Variants in RYR3 observed in about 807,000 individuals in gnomAD.
The protein encoded by RYR3 is ryanodine receptor 3, also known as brain ryanodine receptor-calcium release channel.
RYR3 carries 207 observed loss-of-function variants against 584.3 expected under a neutral mutation model. The observed-to-expected ratio is 0.35, with a 90% confidence interval of 0.32 to 0.40. The LOEUF is 0.40. RYR3 is among the 10% of genes least tolerant of loss of function. The probability of loss-of-function intolerance (pLI) is 1.00; values close to 1 mark genes in which losing one functional copy is unlikely to be tolerated. For missense variants in RYR3, 5,616 were observed against 6,089.2 expected (o/e 0.92, Z 2.59); for synonymous variants, 2,416 against 2,248.5 (o/e 1.07, Z -2.11).
intron 43 of RYR3, among the ~76,000 whole-genome samples, chr15:33,720,061 G>A (rs998956199): frequency 6.6e-6 from 1 of 152,150 alleles, no homozygotes; most frequent in Non-Finnish European, 1.5e-5. Flanking sequence ...ACTCTTGAAG[G>A]ATTGAGCTAT....
At chr15:33,822,272 G>C (rs185063986) in intron 80 of RYR3, among the ~76,000 whole-genome samples, 1 of 152,270 alleles carries the variant, frequency 6.6e-6, no homozygotes, top group Admixed American at 6.5e-5. Context: ...AGGCACTCCG[G>C]GTTCTGGTTA....
At chr15:33,533,807 T>G (rs980854470) in intron 5 of RYR3, among the ~76,000 whole-genome samples, 1 of 152,182 alleles carries the variant, frequency 6.6e-6, no homozygotes, top group South Asian at 2.1e-4. Flanking sequence ...AAGCTATGTC[T>G]AAAGTAGTGT....
chr15:33,752,677 C>G (rs749065895), intron 57 of RYR3, among the ~76,000 whole-genome samples: 6 of 152,172 alleles, frequency 3.9e-5, no homozygotes, highest in Admixed American at 2.0e-4. Flanking sequence ...CATCTGCAAA[C>G]AGAGACAATT....
At chr15:33,798,782 C>A (rs1461154000) in intron 67 of RYR3, among the ~76,000 whole-genome samples, 1 of 152,190 alleles carries the variant, frequency 6.6e-6, no homozygotes, top group African/African-American at 2.4e-5. Flanking sequence ...CTGCTTGAAT[C>A]TGAAAACGAG....
Position 33,810,646 on chromosome 15 carries a change from C to T in RYR3, c.10194C>T (p.Ser3398=). The change falls in exon 71 of 104, where the codon AGC becomes AGT. Residue 3398 remains serine, a synonymous_variant. Transcript: ENST00000634891. ...TCTCCCTCGCAAAATCGCGATACAG[C>T]CATGTAAGCTGCCCGTCTGCCTGGG... The part of the protein sequence containing the change: ...ELISLAKSRY[S]HRDTDEEVRE... 1 of 1,613,978 alleles carries T rather than the reference C, an allele frequency of 6.2e-7. No individual in the cohort carries two copies. Among genetic ancestry groups the T allele is most frequent in the Non-Finnish European group, 8.5e-7 (1 of 1,179,880 alleles).
intron 64 of RYR3, among the ~76,000 whole-genome samples, chr15:33,774,900 C>A (rs937916334): frequency 6.6e-6 from 1 of 151,994 alleles, no homozygotes; most frequent in Admixed American, 6.5e-5. Context: ...TTTATTTCTC[C>A]CACTGAGCAT....
intron 70 of RYR3, among the ~76,000 whole-genome samples, chr15:33,808,777 T>G (rs1400985601): frequency 6.6e-6 from 1 of 152,180 alleles, no homozygotes; most frequent in Non-Finnish European, 1.5e-5. Flanking sequence ...CCTGCTGTTT[T>G]CTGGAACACC....
intron 16 of RYR3, among the ~76,000 whole-genome samples, chr15:33,598,723 C>G (rs1447527994): frequency 6.7e-6 from 1 of 150,210 alleles, no homozygotes; most frequent in Non-Finnish European, 1.5e-5. Context: ...AGCAGGAAAA[C>G]TTGCCTTCCT....
chr15:33,842,185 A>G (rs2278312), intron 91 of RYR3, 150 bp downstream of exon 91: 810,066 of 831,950 alleles, frequency 0.97, 395,667 homozygotes, highest in Non-Finnish European at 0.99. Flanking sequence ...GTGTCTACCT[A>G]TTCCTTTTCT....
intron 1 of RYR3, among the ~76,000 whole-genome samples, chr15:33,463,836 T>C (rs914125815): frequency 7.2e-5 from 11 of 152,192 alleles, no homozygotes; most frequent in African/African-American, 2.2e-4. Context: ...GTCCTCCCTG[T>C]TGCTGGAGCC....
chr15:33,581,466 T>C (rs372695348), intron 13 of RYR3, 42 bp from the exon 14 acceptor site: 197 of 1,603,948 alleles, frequency 1.2e-4, no homozygotes, highest in South Asian at 2.5e-4. Flanking sequence ...CTGTGCTTTC[T>C]TAATCAGCAA....
At chr15:33,386,389 C>T (rs187728166) in intron 1 of RYR3, among the ~76,000 whole-genome samples, 1 of 152,152 alleles carries the variant, frequency 6.6e-6, no homozygotes, top group Non-Finnish European at 1.5e-5. Context: ...ATATGTGTTG[C>T]TAATATTGAT....
intron 10 of RYR3, among the ~76,000 whole-genome samples, chr15:33,551,205 C>A (rs1307741879): frequency 6.6e-6 from 1 of 152,228 alleles, no homozygotes; most frequent in Non-Finnish European, 1.5e-5. Flanking sequence ...AAGGGCTCTG[C>A]ACAGATGCTT....
At chr15:33,343,775 C>G (rs1972108334) in intron 1 of RYR3, among the ~76,000 whole-genome samples, 1 of 152,108 alleles carries the variant, frequency 6.6e-6, no homozygotes, top group Non-Finnish European at 1.5e-5. Context: ...GCGAGGTGTC[C>G]CATCCCAGGA....
intron 38 of RYR3, among the ~76,000 whole-genome samples, chr15:33,692,112 T>A (rs1041446617): frequency 3.9e-5 from 6 of 152,234 alleles, no homozygotes; most frequent in Non-Finnish European, 7.3e-5. Flanking sequence ...TATGCATTAA[T>A]TACTTTAATC....
chr15:33,511,597 C>T (rs1011342525), intron 3 of RYR3, among the ~76,000 whole-genome samples: 4 of 137,762 alleles, frequency 2.9e-5, no homozygotes, highest in African/African-American at 1.1e-4. Context: ...TTCTTTGTGT[C>T]TCTGCAATTA....
At chr15:33,452,029 G>C (rs2047170654) in intron 1 of RYR3, among the ~76,000 whole-genome samples, 1 of 152,218 alleles carries the variant, frequency 6.6e-6, no homozygotes. Context: ...GGCCCGGAAA[G>C]GGCCTCCATG....
intron 1 of RYR3, among the ~76,000 whole-genome samples, chr15:33,321,801 G>A (rs1236178825): frequency 6.6e-6 from 1 of 152,198 alleles, no homozygotes; most frequent in African/African-American, 2.4e-5. Flanking sequence ...GAATCTGAGT[G>A]TTTCACTAAC....
chr15:33,442,036 C>T lies in RYR3; in HGVS notation c.52-31383C>T, dbSNP rs2046269623. Among the ~76,000 whole-genome samples, 7 of 152,148 alleles carry T rather than the reference C, an allele frequency of 4.6e-5. 1 individual carries two copies. In the South Asian group the frequency reaches 1.0e-3, roughly 23 times the overall value. On this transcript the variant is annotated intron_variant, in intron 1 of 103. Transcript: ENST00000634891. ...TCTACTGCTCAGCTGGGTTATAGTCCGTTACCTATAAGATGAAGCCAGAGA... is the reference window on the plus strand; with the variant it reads ...TCTACTGCTCAGCTGGGTTATAGTCTGTTACCTATAAGATGAAGCCAGAGA...
Sources: gnomAD v4.1 joint callset for allele counts (sites outside exome capture counted in the v4.1 genomes callset) on GRCh38, gnomAD v4.1.1 for gene constraint, MANE v1.5 for transcripts, NCBI Gene and HGNC (gene_info 2026-07-23, HGNC 2026-07-21) for gene names.